The following BAZ2B variants were observed in gnomAD, a reference collection of about 807,000 sequenced individuals.
The protein encoded by BAZ2B is bromodomain adjacent to zinc finger domain 2B, also known as bromodomain adjacent to zinc finger domain protein 2B.
Under a neutral mutation model 246.0 loss-of-function variants are expected in BAZ2B, and 91 were observed. The observed-to-expected ratio is 0.37, with a 90% CI of 0.31 to 0.44. BAZ2B has a LOEUF of 0.44. Among genes scored for constraint, BAZ2B ranks in the 20% least tolerant of loss-of-function variants. BAZ2B has a pLI of 1.00. For synonymous variants in BAZ2B, 855 were observed against 860.0 expected (o/e 0.99, Z 0.10); for missense variants, 2,332 against 2,533.7 (o/e 0.92, Z 1.71).
At chr2:159,455,763 G>GTTTTTTTTTTTT in intron 3 of BAZ2B, among the ~76,000 whole-genome samples, 1 of 64,608 alleles carries the variant, frequency 1.5e-5, no homozygotes, top group Non-Finnish European at 2.9e-5. Context: ...AAATATTGTG[G>GTTTTTTTTTTTT]TTTTTTTTTT....
intron 16 of BAZ2B, among the ~76,000 whole-genome samples, chr2:159,403,968 T>C (rs2065501980): frequency 6.6e-6 from 1 of 152,122 alleles, no homozygotes; most frequent in Non-Finnish European, 1.5e-5. Flanking sequence ...CAACTCTATA[T>C]CAACTTCTCT....
At chr2:159,405,508 G>T (rs921503123) in intron 14 of BAZ2B, among the ~76,000 whole-genome samples, 2 of 152,170 alleles carry the variant, frequency 1.3e-5, no homozygotes, top group African/African-American at 4.8e-5. Context: ...ACCACTCCCA[G>T]CCGAGGATAT....
At chr2:159,621,903 C>T in the BAZ2B span, among the ~76,000 whole-genome samples, 3 of 151,992 alleles carry the variant, frequency 2.0e-5, no homozygotes, top group Non-Finnish European at 4.4e-5. Context: ...ATCAAGAGTT[C>T]GAGACCAGCC....
chr2:159,588,755 G>A (rs914500253), intron 1 of BAZ2B, among the ~76,000 whole-genome samples: 2 of 152,120 alleles, frequency 1.3e-5, no homozygotes, highest in Non-Finnish European at 2.9e-5. Flanking sequence ...TAGCTTTGTG[G>A]CTCTTTTTGA....
At chr2:159,571,759 G>A (rs778126714) in intron 1 of BAZ2B, among the ~76,000 whole-genome samples, 8 of 152,210 alleles carry the variant, frequency 5.3e-5, no homozygotes, top group South Asian at 2.1e-4. Context: ...ATCTTGTGAC[G>A]GCCTCCATGC....
chr2:159,645,949 G>C, the BAZ2B span, among the ~76,000 whole-genome samples: 1 of 152,068 alleles, frequency 6.6e-6, no homozygotes, highest in Admixed American at 6.6e-5. Context: ...ACAGGACCAG[G>C]GTGAATTTAA....
the BAZ2B span, chr2:159,689,797 C>A: frequency 2.0e-6 from 1 of 508,260 alleles, no homozygotes; most frequent in Non-Finnish European, 3.5e-6. Flanking sequence ...CATTTGTCTG[C>A]ACCTCTTGGG....
chr2:159,571,096 C>T (rs62171582), intron 1 of BAZ2B, among the ~76,000 whole-genome samples: 9,945 of 152,234 alleles, frequency 0.065, 423 homozygotes, highest in Middle Eastern at 0.19. Flanking sequence ...GCAAGTGAAC[C>T]GCCCGCCTTG....
chr2:159,394,975 C>A (rs1201166917), intron 20 of BAZ2B, among the ~76,000 whole-genome samples: 2 of 152,038 alleles, frequency 1.3e-5, no homozygotes, highest in African/African-American at 4.8e-5. Flanking sequence ...GAGCTGAAAC[C>A]AAAATACTGA....
rs565209605 is a variant in BAZ2B, at chr2:159,462,342, A to C, written c.146-8541T>G. 8.2e-5 allele frequency: 81 copies of C among 983,872 alleles called. No homozygotes were observed. The African/African-American group carries it at 9.9e-4, about 12-fold the overall frequency. 60.9% of individuals were successfully genotyped at this position (983,872 alleles called of 1,614,324 possible). A position where few individuals can be genotyped will look rare whatever the true frequency, so the allele number is the denominator to read the frequency against. On this transcript the variant is annotated intron_variant, in intron 3 of 36. Transcript: ENST00000392783. ...TAAATCACTTATTTATCATATGACC[A>C]CATGTTGAATCCTTGTCTTTCCACA...
chr2:159,529,706 C>T (rs2085165860), intron 2 of BAZ2B, among the ~76,000 whole-genome samples: 1 of 152,096 alleles, frequency 6.6e-6, no homozygotes, highest in Non-Finnish European at 1.5e-5. Context: ...TCTCTTTCAC[C>T]AATAGAATGA....
At chr2:159,318,302 G>T (rs2062323023), downstream of BAZ2B, among the ~76,000 whole-genome samples, 1 of 152,124 alleles carries the variant, frequency 6.6e-6, no homozygotes, top group African/African-American at 2.4e-5. Context: ...CCCCTTTAAG[G>T]CATCACTGCA....
intron 1 of BAZ2B, among the ~76,000 whole-genome samples, chr2:159,573,463 T>TA (rs1361007328): frequency 6.6e-6 from 1 of 152,128 alleles, no homozygotes; most frequent in Non-Finnish European, 1.5e-5. Context: ...TATCCACATG[T>TA]AAAAGAAGGA....
At chr2:159,436,386 G>C (rs2150240528) in intron 8 of BAZ2B, among the ~76,000 whole-genome samples, 1 of 152,224 alleles carries the variant, frequency 6.6e-6, no homozygotes, top group South Asian at 2.1e-4. Flanking sequence ...AAAATCAGGA[G>C]TGATGTGTAA....
In BAZ2B at chr2:159,325,894, T is replaced by G; in HGVS notation, c.5968A>C (p.Lys1990Gln). 6.3e-7 allele frequency: 1 copy of G among 1,587,960 alleles called. No homozygotes were observed. The highest frequency in any genetic ancestry group is 1.2e-5 in the South Asian group (1 of 84,398). ...AKASGQTLKIKKLHVKGKKTN... is the reference protein window; with the variant it reads ...AKASGQTLKIQKLHVKGKKTN... ...TTTTTTCCTTTGACATGAAGTTTTT[T>G]GATTTTTAGAGTTTGACCACTTGCC... The change falls in exon 35 of 37, where the codon AAA becomes CAA. Residue 1990 changes from lysine to glutamine, a missense_variant. By Grantham distance (53) the Lys-to-Gln change is moderately conservative. Coordinates refer to ENST00000392783, the MANE Select transcript of BAZ2B (RefSeq NM_013450.4).
the BAZ2B span, among the ~76,000 whole-genome samples, chr2:159,699,651 C>T: frequency 6.6e-6 from 1 of 152,184 alleles, no homozygotes; most frequent in African/African-American, 2.4e-5. Context: ...TTTGCCTCAG[C>T]ACTTTGATTA....
chr2:159,396,933 G>T, intron 19 of BAZ2B: 1 of 448,996 alleles, frequency 2.2e-6, no homozygotes, highest in Non-Finnish European at 3.7e-6. Flanking sequence ...GCAGATGTAT[G>T]CAATGCACTG....
At chr2:159,563,354 T>G (rs927716175) in intron 1 of BAZ2B, among the ~76,000 whole-genome samples, 2 of 152,182 alleles carry the variant, frequency 1.3e-5, no homozygotes, top group Admixed American at 6.5e-5. Context: ...TTCTTCAGTT[T>G]GCAATACCAT....
At chr2:159,505,339 G>A (rs963967128) in intron 2 of BAZ2B, among the ~76,000 whole-genome samples, 2 of 152,092 alleles carry the variant, frequency 1.3e-5, no homozygotes, top group African/African-American at 4.8e-5. Flanking sequence ...AGAAACACAT[G>A]GGGGATCTCA....
Sources: allele counts gnomAD v4.1 joint callset (sites outside exome capture counted in the v4.1 genomes callset), GRCh38; gene constraint gnomAD v4.1.1; transcripts MANE v1.5; gene names NCBI Gene and HGNC (gene_info 2026-07-23, HGNC 2026-07-21).